Variants in TSPAN2 observed in about 807,000 individuals in gnomAD.
TSPAN2 encodes tetraspanin 2, also known as tetraspanin-2.
In TSPAN2, 24 loss-of-function variants were observed where a neutral mutation model predicts 33.3. The observed-to-expected ratio is 0.72, with a 90% CI of 0.52 to 1.01. The LOEUF (loss-of-function observed/expected upper bound fraction) is 1.01, where lower values mean the gene tolerates loss of function less well. TSPAN2 is among the 50% of genes least tolerant of loss of function. The pLI, the probability that TSPAN2 is intolerant of heterozygous loss-of-function variation, is 0.00. For missense variants in TSPAN2, 278 were observed against 281.3 expected (o/e 0.99, Z 0.08); for synonymous variants, 114 against 104.5 (o/e 1.09, Z -0.56).
chr1:115,087,024 A>T (rs1648862013), intron 1 of TSPAN2, among the ~76,000 whole-genome samples: 1 of 151,952 alleles, frequency 6.6e-6, no homozygotes, highest in Non-Finnish European at 1.5e-5. Context: ...GGTTCAAGAG[A>T]TTCTTCTGCT....
intron 6 of TSPAN2, among the ~76,000 whole-genome samples, chr1:115,053,818 T>C (rs1028617047): frequency 2.6e-5 from 4 of 152,232 alleles, no homozygotes; most frequent in African/African-American, 9.6e-5. Flanking sequence ...CTTAAAACAA[T>C]AACTCTTTGT....
intron 5 of TSPAN2, 148 bp downstream of exon 5, chr1:115,058,735 A>C (rs1647537909): frequency 5.7e-6 from 4 of 702,694 alleles, no homozygotes; most frequent in Non-Finnish European, 1.0e-5. Flanking sequence ...ACATAATGCA[A>C]ACTGTGGCCC....
intron 1 of TSPAN2, among the ~76,000 whole-genome samples, chr1:115,075,256 C>T (rs150676305): frequency 2.0e-5 from 3 of 152,292 alleles, no homozygotes; most frequent in South Asian, 2.1e-4. Context: ...AAAAAATCTG[C>T]GCTTGCTCAT....
At chr1:115,088,549 C>A (rs140515162) in intron 1 of TSPAN2, among the ~76,000 whole-genome samples, 1 of 152,200 alleles carries the variant, frequency 6.6e-6, no homozygotes, top group East Asian at 1.9e-4. Context: ...ATCCCTGTCT[C>A]GATAATATAG....
At chr1:115,083,235 G>T (rs116572873) in intron 1 of TSPAN2, among the ~76,000 whole-genome samples, 74 of 152,296 alleles carry the variant, frequency 4.9e-4, no homozygotes, top group African/African-American at 1.7e-3. Context: ...AACTGTCAAG[G>T]TTGGGGGATA....
chr1:115,060,642 GTTCATTCA>G (rs140361788), intron 3 of TSPAN2, 104 bp from the exon 4 acceptor site: 5 of 824,102 alleles, frequency 6.1e-6, no homozygotes, highest in African/African-American at 1.7e-5. Flanking sequence ...CTTTCATGTG[GTTCATTCA>G]TTCATTCATT....
intron 7 of TSPAN2, 73 bp from the exon 8 acceptor site, chr1:115,050,628 G>T: frequency 1.7e-6 from 2 of 1,185,954 alleles, no homozygotes; most frequent in Non-Finnish European, 2.5e-6. Context: ...CAGACTTCCT[G>T]GGTGTCTAAC....
chr1:115,076,846 G>A (rs1648429688), intron 1 of TSPAN2, among the ~76,000 whole-genome samples: 1 of 152,126 alleles, frequency 6.6e-6, no homozygotes, highest in South Asian at 2.1e-4. Flanking sequence ...AACCCTGCAG[G>A]TGGGAAGTCA....
At chr1:115,081,265 G>A (rs1648613566) in intron 1 of TSPAN2, among the ~76,000 whole-genome samples, 1 of 152,172 alleles carries the variant, frequency 6.6e-6, no homozygotes, top group Non-Finnish European at 1.5e-5. Flanking sequence ...GATAGACTCT[G>A]GCGGGAGCAG....
chr1:115,064,581 C>T (rs1300707565), intron 2 of TSPAN2, among the ~76,000 whole-genome samples: 1 of 152,198 alleles, frequency 6.6e-6, no homozygotes, highest in Non-Finnish European at 1.5e-5. Context: ...GTTGACAAAC[C>T]TTATTCATCC....
chr1:115,066,712 A>G (rs1647964982), intron 2 of TSPAN2, among the ~76,000 whole-genome samples: 1 of 152,162 alleles, frequency 6.6e-6, no homozygotes, highest in South Asian at 2.1e-4. Flanking sequence ...ATGTCCCTAC[A>G]TTTATGTCCC....
At position 115,089,421 on chromosome 1, in the gene TSPAN2, G is replaced by T. The variant is rs1172157317; in HGVS notation, c.12C>A (p.Phe4Leu). The T allele has an allele frequency of 1.3e-6, 2 of 1,583,558 alleles. No individual in the cohort carries two copies. Among genetic ancestry groups the T allele is most frequent in the Admixed American group, 1.8e-5 (1 of 57,048 alleles). The change falls in exon 1 of 8, where the codon TTC becomes TTA. Residue 4 changes from phenylalanine to leucine, a missense_variant. Transcript: ENST00000369516. ...ACTTGATGCACCGCAGGCCCCCGCG[G>T]AAGCGCCCCATGCTGCGGCCCGGCG... MGR[F>L]RGGLRCIKYL...
intron 7 of TSPAN2, among the ~76,000 whole-genome samples, chr1:115,051,676 T>A (rs1227191192): frequency 2.0e-5 from 3 of 152,150 alleles, no homozygotes; most frequent in African/African-American, 7.2e-5. Context: ...TAAGTCAGAC[T>A]AGGATCTGTA....
chr1:115,078,816 C>T (rs1343831784), intron 1 of TSPAN2, among the ~76,000 whole-genome samples: 3 of 152,182 alleles, frequency 2.0e-5, no homozygotes, highest in Non-Finnish European at 2.9e-5. Flanking sequence ...GGAGCAATTG[C>T]GAACAACCTC....
Position 115,048,823 on chromosome 1 carries a change from T to A in TSPAN2, c.*1667A>T, listed in dbSNP as rs1286937682. The A allele has an allele frequency of 6.6e-6, 1 of 152,298 alleles. No homozygotes were observed. Among genetic ancestry groups the A allele is most frequent in the East Asian group, 1.9e-4 (1 of 5,188 alleles). 9.4% of individuals were successfully genotyped at this position (152,298 alleles called of 1,614,324 possible). A position where few individuals can be genotyped will look rare whatever the true frequency, so the allele number is the denominator to read the frequency against. ...AGTAAAGTAGCCATGTATAATTAAG[T>A]TTTTAGCTTGCCTCAAATATGACCT... On this transcript the variant is annotated 3_prime_UTR_variant, in exon 8 of 8. Coordinates refer to ENST00000369516, the MANE Select transcript of TSPAN2 (RefSeq NM_005725.6).
chr1:115,075,294 GT>G (rs1210186936), intron 1 of TSPAN2, among the ~76,000 whole-genome samples: 1 of 152,148 alleles, frequency 6.6e-6, no homozygotes, highest in African/African-American at 2.4e-5. Context: ...AACCACACGG[GT>G]TTCCTCCTGG....
At chr1:115,065,243 C>T (rs1411795322) in intron 2 of TSPAN2, among the ~76,000 whole-genome samples, 1 of 152,202 alleles carries the variant, frequency 6.6e-6, no homozygotes, top group Non-Finnish European at 1.5e-5. Flanking sequence ...GGCTCTAATA[C>T]TCCGCATGCC....
rs560613764 is a variant in TSPAN2, at chr1:115,070,350, C to T, written c.172+2555G>A. Among the ~76,000 whole-genome samples, 9 of 149,332 alleles carry T rather than the reference C, an allele frequency of 6.0e-5. No homozygotes were observed. In the South Asian group the frequency reaches 8.5e-4, roughly 14 times the overall value. Reference sequence around the variant, plus strand: ...ACTGTGGGTTATACCCTAATTTGTCCGGCCTGATTATATCAATAATCTGCT... The same window carrying T: ...ACTGTGGGTTATACCCTAATTTGTCTGGCCTGATTATATCAATAATCTGCT... On this transcript the variant is annotated intron_variant, in intron 2 of 7. Transcript: ENST00000369516.
intron 2 of TSPAN2, among the ~76,000 whole-genome samples, chr1:115,067,408 C>A (rs955950164): frequency 3.9e-5 from 6 of 152,154 alleles, no homozygotes; most frequent in African/African-American, 1.4e-4. Context: ...GTCTTCCTAC[C>A]CTTCAGTTTC....
Sources: gnomAD v4.1 joint callset for allele counts (sites outside exome capture counted in the v4.1 genomes callset) on GRCh38, gnomAD v4.1.1 for gene constraint, MANE v1.5 for transcripts, NCBI Gene and HGNC (gene_info 2026-07-23, HGNC 2026-07-21) for gene names.